The following PCDHA2 variants were observed in gnomAD, a reference collection of about 807,000 sequenced individuals.
PCDHA2 encodes protocadherin alpha 2.
PCDHA2 carries 58 observed loss-of-function variants against 66.0 expected under a neutral mutation model. The observed-to-expected ratio is 0.88, with a 90% CI of 0.71 to 1.09. The LOEUF (loss-of-function observed/expected upper bound fraction) is 1.09, where lower values mean the gene tolerates loss of function less well. Ranked by LOEUF, PCDHA2 falls within the 50% of genes least tolerant of loss-of-function variation. The probability of loss-of-function intolerance (pLI) is 0.00; values close to 1 mark genes in which losing one functional copy is unlikely to be tolerated. For synonymous variants in PCDHA2, 634 were observed against 554.0 expected (o/e 1.14, Z -2.03); for missense variants, 1,267 against 1,242.3 (o/e 1.02, Z -0.30).
intron 1 of PCDHA2, chr5:140,843,007 G>T (rs2150349965): frequency 6.3e-7 from 1 of 1,594,864 alleles, no homozygotes; most frequent in African/African-American, 1.3e-5. Flanking sequence ...ATGACAACGC[G>T]CCGGCACTGC....
chr5:140,823,977 C>G (rs2150131083), intron 1 of PCDHA2: 2 of 1,614,044 alleles, frequency 1.2e-6, no homozygotes, highest in Non-Finnish European at 1.7e-6. Flanking sequence ...GCACACGGGG[C>G]AAGCCCACTC....
At chr5:140,916,527 C>T (rs2077599616) in intron 1 of PCDHA2, among the ~76,000 whole-genome samples, 1 of 152,162 alleles carries the variant, frequency 6.6e-6, no homozygotes, top group Non-Finnish European at 1.5e-5. Context: ...CTGGGTCCTT[C>T]CCACCAAGGC....
At chr5:140,884,152 T>G (rs1279761986) in intron 1 of PCDHA2, 7 of 1,613,332 alleles carry the variant, frequency 4.3e-6, no homozygotes, top group East Asian at 2.2e-5. Context: ...GGCTGTACAC[T>G]GGCGAGATCA....
chr5:140,803,144 G>C (rs782254841), intron 1 of PCDHA2: 12 of 1,613,880 alleles, frequency 7.4e-6, no homozygotes, highest in Non-Finnish European at 1.0e-5. Flanking sequence ...GCCTACTGGT[G>C]CTGGTGAAGG....
chr5:140,856,885 A>G, intron 1 of PCDHA2: 2 of 1,596,608 alleles, frequency 1.3e-6, no homozygotes, highest in Non-Finnish European at 1.7e-6. Context: ...TGATGTATTC[A>G]TTTAGCTCTT....
chr5:140,927,277 G>T, intron 1 of PCDHA2: 1 of 1,614,016 alleles, frequency 6.2e-7, no homozygotes, highest in Non-Finnish European at 8.5e-7. Context: ...TGCCGGCGAC[G>T]TGCAGCTGCA....
intron 1 of PCDHA2, chr5:140,842,630 G>A: frequency 6.3e-7 from 1 of 1,586,074 alleles, no homozygotes; most frequent in Non-Finnish European, 8.6e-7. Context: ...TTCGCTGTGG[G>A]CCACCGCCAG....
intron 1 of PCDHA2, among the ~76,000 whole-genome samples, chr5:140,886,931 G>A (rs1426144437): frequency 6.6e-6 from 1 of 151,756 alleles, no homozygotes; most frequent in Non-Finnish European, 1.5e-5. Context: ...CTATGTGCCA[G>A]GCATGTTCTA....
chr5:140,939,280 C>T (rs985518425), intron 1 of PCDHA2, among the ~76,000 whole-genome samples: 1 of 152,064 alleles, frequency 6.6e-6, no homozygotes, highest in Non-Finnish European at 1.5e-5. Flanking sequence ...GCTGTGCCCT[C>T]GTGATCTAAT....
At chr5:140,889,632 C>T (rs265311) in intron 1 of PCDHA2, among the ~76,000 whole-genome samples, 138,318 of 152,176 alleles carry the variant, frequency 0.91, 63,092 homozygotes, top group East Asian at 1. Context: ...CTCTTCTTTT[C>T]ATTTGTGTTT....
At chr5:140,882,404 G>A in intron 1 of PCDHA2, 1 of 1,614,152 alleles carries the variant, frequency 6.2e-7, no homozygotes. Context: ...CACCTTCGTG[G>A]GCCGCATCGC....
chr5:140,855,908 C>T, intron 1 of PCDHA2: 1 of 1,151,190 alleles, frequency 8.7e-7, no homozygotes, highest in Non-Finnish European at 1.2e-6. Context: ...GCCAGTTTCT[C>T]AAGGACTAGG....
At chr5:140,923,878 G>A (rs1475731417) in intron 1 of PCDHA2, among the ~76,000 whole-genome samples, 3 of 152,192 alleles carry the variant, frequency 2.0e-5, no homozygotes, top group Non-Finnish European at 4.4e-5. Context: ...TCTGAGAAGC[G>A]TGTGAAAGAG....
rs144974749 is a variant in PCDHA2, at chr5:140,795,384, C to A, written c.420C>A (p.Ile140=). The change falls in exon 1 of 4, where the codon ATC becomes ATA. Residue 140 remains isoleucine (I), a synonymous_variant. Transcript: ENST00000526136. ...PPIFPMTVKT[I]RFPESRLLDS... ...TATTTCCAATGACAGTAAAGACTAT[C>A]CGGTTTCCCGAATCAAGGCTGCTTG... 1.9e-6 allele frequency: 3 copies of A among 1,614,140 alleles called. No homozygotes were observed. The highest frequency in any genetic ancestry group is 2.5e-6 in the Non-Finnish European group (3 of 1,180,018).
intron 1 of PCDHA2, chr5:140,875,355 T>A: frequency 6.9e-7 from 1 of 1,446,356 alleles, no homozygotes; most frequent in African/African-American, 1.4e-5. Context: ...ATGACTGTGA[T>A]GCTGGAAAAA....
At chr5:140,823,390 G>A (rs371642015) in intron 1 of PCDHA2, 1 of 1,612,906 alleles carries the variant, frequency 6.2e-7, no homozygotes, top group Non-Finnish European at 8.5e-7. Context: ...CGCGCGCGAC[G>A]CGGGCGTGCC....
intron 1 of PCDHA2, chr5:140,966,824 A>T: frequency 1.3e-6 from 2 of 1,559,992 alleles, no homozygotes; most frequent in Non-Finnish European, 1.7e-6. Flanking sequence ...CCGGCGGCCC[A>T]TGCCCTGGCT....
intron 1 of PCDHA2, among the ~76,000 whole-genome samples, chr5:140,894,606 T>C (rs1305424119): frequency 6.6e-6 from 1 of 152,022 alleles, no homozygotes; most frequent in Non-Finnish European, 1.5e-5. Context: ...CTCATCTCTC[T>C]TTTCAAAGCT....
In PCDHA2 at chr5:140,802,803, AGT is replaced by A. The variant is rs782772519; in HGVS notation, c.2388+5453_2388+5454del. ...GCTAGAGCTGCTGCAGTTCCAGGTGAGTGCGCGCGATGCGGGCGTGCCGCCTC... is the reference window on the plus strand; with the variant it reads ...GCTAGAGCTGCTGCAGTTCCAGGTGAGCGCGCGATGCGGGCGTGCCGCCTC... On this transcript the variant is annotated intron_variant, in intron 1 of 3. Coordinates refer to ENST00000526136, the MANE Select transcript of PCDHA2 (RefSeq NM_018905.3). 1.9e-6 allele frequency: 3 copies of A among 1,613,464 alleles called. No homozygotes were observed. In the South Asian group the frequency reaches 3.3e-5, roughly 18 times the overall value.
Sources: allele counts gnomAD v4.1 joint callset (sites outside exome capture counted in the v4.1 genomes callset), GRCh38; gene constraint gnomAD v4.1.1; transcripts MANE v1.5; gene names NCBI Gene and HGNC (gene_info 2026-07-23, HGNC 2026-07-21).